The following NOL4L variants were observed in gnomAD, a reference collection of about 807,000 sequenced individuals.
NOL4L encodes the protein nucleolar protein 4 like.
A neutral mutation model predicts 64.5 loss-of-function variants in NOL4L; 7 were observed. That is an observed-to-expected ratio of 0.11 (90% confidence interval 0.06 to 0.20). The LOEUF is 0.20. Ranked by LOEUF, NOL4L falls within the 10% of genes least tolerant of loss-of-function variation. NOL4L has a pLI of 1.00. For synonymous variants in NOL4L, 413 were observed against 401.0 expected (o/e 1.03, Z -0.36); for missense variants, 680 against 967.1 (o/e 0.70, Z 3.94).
chr20:32,483,299 G>A, intron 4 of NOL4L: 2 of 928,444 alleles, frequency 2.2e-6, no homozygotes, highest in Non-Finnish European at 2.6e-6. Context: ...AGCCGGAGAA[G>A]GGGGGCGGCG....
chr20:32,510,103 A>C, intron 4 of NOL4L: 1 of 459,352 alleles, frequency 2.2e-6, no homozygotes, highest in South Asian at 1.9e-5. Context: ...TGCGTTGGAA[A>C]CCCAACCCAA....
intron 1 of NOL4L, chr20:32,532,550 C>T (rs2145586540): frequency 5.9e-6 from 1 of 168,478 alleles, no homozygotes; most frequent in Non-Finnish European, 1.2e-5. Context: ...AGCTAAGGAT[C>T]CAGACAGTGC....
At chr20:32,454,924 CCT>C (rs904614997) in intron 6 of NOL4L, among the ~76,000 whole-genome samples, 2 of 152,196 alleles carry the variant, frequency 1.3e-5, no homozygotes, top group African/African-American at 2.4e-5. Context: ...CCCCGCCAGG[CCT>C]CTCTCCCTGG....
chr20:32,511,921 G>A (rs376609161), intron 3 of NOL4L, among the ~76,000 whole-genome samples: 4 of 152,114 alleles, frequency 2.6e-5, no homozygotes, highest in Non-Finnish European at 4.4e-5. Context: ...TGGGAGGATC[G>A]CTTGAGGCCA....
At chr20:32,518,832 T>C (rs1009971475) in intron 3 of NOL4L, among the ~76,000 whole-genome samples, 3 of 152,154 alleles carry the variant, frequency 2.0e-5, no homozygotes, top group East Asian at 3.9e-4. Flanking sequence ...AGGTACCAAA[T>C]GCTGTCTTGG....
intron 1 of NOL4L, among the ~76,000 whole-genome samples, chr20:32,570,277 GA>G (rs1979676343): frequency 6.6e-6 from 1 of 152,144 alleles, no homozygotes; most frequent in African/African-American, 2.4e-5. Flanking sequence ...AAATCCTCCT[GA>G]GGGCAGGGAT....
chr20:32,461,426 T>C (rs1053107450), intron 5 of NOL4L, among the ~76,000 whole-genome samples: 12 of 146,174 alleles, frequency 8.2e-5, no homozygotes, highest in South Asian at 4.4e-4. Context: ...CTTTTCTTTT[T>C]TTTTTTTTTT....
intron 1 of NOL4L, among the ~76,000 whole-genome samples, chr20:32,575,842 G>A (rs952410787): frequency 1.3e-5 from 2 of 152,200 alleles, no homozygotes; most frequent in African/African-American, 4.8e-5. Flanking sequence ...GGCCTCACTG[G>A]GTGATCAAGG....
intron 4 of NOL4L, among the ~76,000 whole-genome samples, chr20:32,498,082 G>A (rs1293780293): frequency 1.3e-5 from 2 of 152,214 alleles, no homozygotes; most frequent in Non-Finnish European, 2.9e-5. Flanking sequence ...CCCGGAAGGG[G>A]CTCGAGCCTC....
chr20:32,583,440 G>A (rs1980629759), intron 1 of NOL4L, among the ~76,000 whole-genome samples: 1 of 148,386 alleles, frequency 6.7e-6, no homozygotes, highest in African/African-American at 2.5e-5. Flanking sequence ...CGGGCCGGCC[G>A]GGGGAGGAGC....
At chr20:32,488,253 A>G (rs992112002) in intron 4 of NOL4L, among the ~76,000 whole-genome samples, 2 of 152,152 alleles carry the variant, frequency 1.3e-5, no homozygotes, top group Admixed American at 6.5e-5. Context: ...CCTCTTTGAG[A>G]TTACAAACTG....
chr20:32,560,775 G>T (rs1027630641), intron 1 of NOL4L, among the ~76,000 whole-genome samples: 1 of 152,264 alleles, frequency 6.6e-6, no homozygotes, highest in Non-Finnish European at 1.5e-5. Context: ...ATCCTGGACG[G>T]CTGGATGGGG....
At chr20:32,513,036 C>T (rs886256056) in intron 3 of NOL4L, among the ~76,000 whole-genome samples, 2 of 152,194 alleles carry the variant, frequency 1.3e-5, no homozygotes, top group African/African-American at 4.8e-5. Flanking sequence ...ACCTGGCCTC[C>T]TCCTCCTTCT....
At chr20:32,561,051 G>C (rs935654341) in intron 1 of NOL4L, 5 of 152,342 alleles carry the variant, frequency 3.3e-5, no homozygotes, top group African/African-American at 9.6e-5. Flanking sequence ...CCACCGCGGG[G>C]AGCCCAGGGT....
In NOL4L at chr20:32,445,041, C is replaced by T. The variant is rs1212820646; in HGVS notation, c.*2555G>A. 6.6e-6 allele frequency: 1 copy of T among 152,252 alleles called. No individual in the cohort carries two copies. Among genetic ancestry groups the T allele is most frequent in the Non-Finnish European group, 1.5e-5 (1 of 68,050 alleles). The allele number at this position is 152,252 out of a possible 1,614,324, so 9.4% of individuals were successfully genotyped here. A position where few individuals can be genotyped will look rare whatever the true frequency, so the allele number is the denominator to read the frequency against. On this transcript the variant is annotated 3_prime_UTR_variant, in exon 11 of 11. Transcript: ENST00000621426. ...CCTGATTCTGCCATCTCTAGGGCTT[C>T]AGGTGTAGTTTCACTGGAAAGGAGG... is the stretch of plus-strand genomic sequence containing the variant.
At chr20:32,544,730 C>G (rs2018709045) in intron 1 of NOL4L, among the ~76,000 whole-genome samples, 1 of 152,168 alleles carries the variant, frequency 6.6e-6, no homozygotes, top group African/African-American at 2.4e-5. Flanking sequence ...AGCCCCAGGT[C>G]ACACGGCTTG....
chr20:32,540,427 C>A (rs2018633734), intron 1 of NOL4L, among the ~76,000 whole-genome samples: 1 of 152,222 alleles, frequency 6.6e-6, no homozygotes, highest in African/African-American at 2.4e-5. Context: ...GACAGTCTCA[C>A]ACACAATTAC....
At chr20:32,515,276 G>A (rs1211545592) in intron 3 of NOL4L, among the ~76,000 whole-genome samples, 5 of 152,122 alleles carry the variant, frequency 3.3e-5, no homozygotes, top group South Asian at 2.1e-4. Context: ...GGAACATCCC[G>A]AGCAGACCCC....
At chr20:32,508,639 T>C (rs1032487807) in intron 4 of NOL4L, among the ~76,000 whole-genome samples, 1 of 151,402 alleles carries the variant, frequency 6.6e-6, no homozygotes, top group Non-Finnish European at 1.5e-5. Context: ...ACCTGGAAAC[T>C]ACTAATGAAG....
Sources: gnomAD v4.1 joint callset for allele counts (sites outside exome capture counted in the v4.1 genomes callset) on GRCh38, gnomAD v4.1.1 for gene constraint, MANE v1.5 for transcripts, NCBI Gene and HGNC (gene_info 2026-07-23, HGNC 2026-07-21) for gene names.